DNAH8: variants seen among roughly 807,000 people sequenced by gnomAD.
The protein encoded by DNAH8 is axonemal beta dynein heavy chain 8.
In DNAH8, 382 loss-of-function variants were observed where a neutral mutation model predicts 562.1. The ratio of observed to expected loss-of-function variants is 0.68; its 90% CI spans 0.63 to 0.74. The LOEUF is 0.74. DNAH8 is among the 30% of genes least tolerant of loss of function. The probability of loss-of-function intolerance (pLI) is 0.00; values close to 1 mark genes in which losing one functional copy is unlikely to be tolerated. For synonymous variants in DNAH8, 1,881 were observed against 1,919.4 expected, an observed-to-expected ratio of 0.98 and a Z score of 0.52; for missense variants, 5,203 against 5,620.4, an observed-to-expected ratio of 0.93 and a Z score of 2.37.
chr6:38,852,400 G>T (rs541567070), intron 39 of DNAH8, among the ~76,000 whole-genome samples: 8 of 152,194 alleles, frequency 5.3e-5, no homozygotes, highest in Admixed American at 6.5e-5. Flanking sequence ...GGGGGAGGAG[G>T]GGGGAGGCGG....
chr6:39,011,449 A>G (rs1766201945), intron 89 of DNAH8, among the ~76,000 whole-genome samples: 1 of 152,206 alleles, frequency 6.6e-6, no homozygotes, highest in Non-Finnish European at 1.5e-5. Context: ...TGGCCAGCAG[A>G]AAGTTCAAAT....
intron 82 of DNAH8, among the ~76,000 whole-genome samples, chr6:38,960,679 A>T (rs1484331619): frequency 6.6e-6 from 1 of 152,014 alleles, no homozygotes; most frequent in South Asian, 2.1e-4. Flanking sequence ...TAGAAATGTA[A>T]ATTAGTACTT....
At chr6:38,880,366 C>T (rs1466324345) in intron 53 of DNAH8, among the ~76,000 whole-genome samples, 2 of 151,940 alleles carry the variant, frequency 1.3e-5, no homozygotes. Flanking sequence ...CTATAGAAGG[C>T]CCAAATAAGG....
At chr6:38,951,261 A>G (rs1413274219) in intron 81 of DNAH8, 57 bp from the exon 82 acceptor site, 4 of 1,454,338 alleles carry the variant, frequency 2.8e-6, no homozygotes, top group African/African-American at 2.8e-5. Flanking sequence ...ACTTACTCAG[A>G]TAGGATAAAA....
At chr6:38,760,980 A>G (rs1766439010) in intron 10 of DNAH8, among the ~76,000 whole-genome samples, 1 of 151,306 alleles carries the variant, frequency 6.6e-6, no homozygotes, top group Admixed American at 6.6e-5. Context: ...CATTCAATTT[A>G]TTCTCTCCCC....
chr6:38,989,177 T>TCC (rs1412292739), intron 87 of DNAH8, among the ~76,000 whole-genome samples: 1 of 152,186 alleles, frequency 6.6e-6, no homozygotes. Flanking sequence ...GAAGGCACCG[T>TCC]CCCTCTTTCC....
intron 26 of DNAH8, among the ~76,000 whole-genome samples, chr6:38,818,537 C>CAAAAAAAAAAAAAAAAAAAAAAAAAAAA (rs70981590): frequency 3.6e-4 from 27 of 75,832 alleles, no homozygotes; most frequent in African/African-American, 1.5e-3. Context: ...AAAGCAAAAG[C>CAAAAAAAAAAAAAAAAAAAAAAAAAAAA]AAAAAAAAAA....
Position 38,917,365 on chromosome 6 carries a change from G to A in DNAH8, c.10267G>A (p.Glu3423Lys). ...KKIDPVTMDP[E>K]KSCCKPSWGE... The stretch of plus-strand genomic sequence containing the variant: ...AATTGACCCTGTTACTATGGATCCA[G>A]AAAAATCTTGCTGTAAGCCATCATG... The change falls in exon 69 of 93, where the codon GAA becomes AAA. Residue 3423 changes from glutamate (E) to lysine (K), a missense_variant. Coordinates refer to ENST00000327475, the MANE Select transcript of DNAH8 (RefSeq NM_001206927.2). The A allele has an allele frequency of 6.2e-7, 1 of 1,613,624 alleles. No homozygotes were observed. The highest frequency in any genetic ancestry group is 8.5e-7 in the Non-Finnish European group (1 of 1,179,692).
At chr6:38,842,050 C>G (rs1423795114) in intron 33 of DNAH8, among the ~76,000 whole-genome samples, 1 of 152,132 alleles carries the variant, frequency 6.6e-6, no homozygotes, top group Non-Finnish European at 1.5e-5. Flanking sequence ...AAGTTTTGGT[C>G]ACATTGTTTG....
chr6:38,754,968 C>T (rs538362703), intron 9 of DNAH8, among the ~76,000 whole-genome samples: 81 of 151,962 alleles, frequency 5.3e-4, no homozygotes, highest in African/African-American at 1.9e-3. Flanking sequence ...TGGTGCCATT[C>T]GTATGAATTC....
At position 38,722,904 on chromosome 6, in the gene DNAH8, A is replaced by C. The variant is rs1762878870; in HGVS notation, c.95A>C (p.Glu32Ala). Residue 32 changes from glutamate to alanine, a missense_variant, in exon 2 of 93, where the codon GAG becomes GCG. Coordinates refer to ENST00000327475, the MANE Select transcript of DNAH8 (RefSeq NM_001206927.2). ...EAAPPRSEEE[E>A]APRPPTVEAP... ...GCCCCTCCCCGTTCAGAAGAGGAAG[A>C]GGCCCCGCGCCCTCCGACAGTGGAG... 6.2e-7 allele frequency: 1 copy of C among 1,612,248 alleles called. No individual in the cohort carries two copies. Among genetic ancestry groups the C allele is most frequent in the Admixed American group, 1.7e-5 (1 of 59,950 alleles).
intron 4 of DNAH8, among the ~76,000 whole-genome samples, chr6:38,731,284 G>A (rs1389724512): frequency 6.6e-6 from 1 of 152,184 alleles, no homozygotes; most frequent in African/African-American, 2.4e-5. Flanking sequence ...AGAAAGCACT[G>A]TTAACTCCTT....
chr6:38,991,731 A>G (rs1764802709), intron 88 of DNAH8, among the ~76,000 whole-genome samples: 1 of 152,094 alleles, frequency 6.6e-6, no homozygotes, highest in Admixed American at 6.5e-5. Flanking sequence ...TGTTACTCAG[A>G]CAGGCCAGAC....
rs763606080 is a variant in DNAH8, at chr6:38,990,024, GAGA to G, written c.13070_13072del (p.Lys4357del). 8 of 1,594,538 alleles carry G rather than the reference GAGA, an allele frequency of 5.0e-6. No homozygotes were observed. Among genetic ancestry groups the G allele is most frequent in the Non-Finnish European group, 6.9e-6 (8 of 1,164,838 alleles). ...CTCTCACATACAGGTCTGGTTCAGT[GAGA>G]AGATGTTTGAACCGTCATTCTGCTT... is the stretch of plus-strand genomic sequence containing the variant. On this transcript the variant is annotated inframe_deletion, in exon 88 of 93. Transcript: ENST00000327475.
In DNAH8 at chr6:38,883,943, T is replaced by A; in HGVS notation, c.8204T>A (p.Met2735Lys). ...TATGGGCCACCAGGAGGGAGAAAAA[T>A]GACTGTATTTATTGATGATATTAAT... ...STYGPPGGRK[M>K]TVFIDDINMP... Residue 2735 changes from methionine to lysine, a missense_variant, in exon 56 of 93, where the codon ATG becomes AAG. Around this residue, in one of 6 missense-constraint regions of DNAH8, gnomAD observed 977 missense variants for 1,061.8 expected, o/e 0.92. Coordinates refer to ENST00000327475, the MANE Select transcript of DNAH8 (RefSeq NM_001206927.2). 6.3e-7 allele frequency: 1 copy of A among 1,590,206 alleles called. No homozygotes were observed. Among genetic ancestry groups the A allele is most frequent in the Non-Finnish European group, 8.6e-7 (1 of 1,166,836 alleles).
Position 38,925,740 on chromosome 6 carries a change from A to G in DNAH8, c.10963-315A>G, listed in dbSNP as rs112758612. On this transcript the variant is annotated intron_variant, in intron 73 of 92. Coordinates refer to ENST00000327475, the MANE Select transcript of DNAH8 (RefSeq NM_001206927.2). ...ACATTTCATTATATTCACTATCTCC[A>G]TTAACCCCAAATCAGGTTTAATATG... Among the ~76,000 whole-genome samples, 828 of 152,284 alleles carry G rather than the reference A, an allele frequency of 5.4e-3. 7 individuals are homozygous for G. The highest frequency in any genetic ancestry group is 0.018 in the African/African-American group (765 of 41,556).
At chr6:38,942,985 TAAAG>T (rs1290226187) in intron 79 of DNAH8, among the ~76,000 whole-genome samples, 1 of 152,046 alleles carries the variant, frequency 6.6e-6, no homozygotes, top group Non-Finnish European at 1.5e-5. Context: ...TACAGAAAAA[TAAAG>T]AAGGCTGAAC....
At chr6:38,959,913 C>A (rs1428468867) in intron 82 of DNAH8, among the ~76,000 whole-genome samples, 1 of 151,796 alleles carries the variant, frequency 6.6e-6, no homozygotes, top group African/African-American at 2.4e-5. Flanking sequence ...TGGCATAAAA[C>A]CAGACACTAG....
chr6:38,734,739 A>G, intron 5 of DNAH8, 114 bp downstream of exon 5: 1 of 1,166,570 alleles, frequency 8.6e-7, no homozygotes, highest in Non-Finnish European at 1.2e-6. Flanking sequence ...TTGAGTTCCA[A>G]GAAAATAAAT....
Sources: allele counts gnomAD v4.1 joint callset (sites outside exome capture counted in the v4.1 genomes callset), GRCh38; gene constraint gnomAD v4.1.1; regional missense constraint gnomAD v4.1.1; transcripts MANE v1.5; gene names NCBI Gene and HGNC (gene_info 2026-07-23, HGNC 2026-07-21).